AKAP6: variants seen among roughly 807,000 people sequenced by gnomAD.
The protein encoded by AKAP6 is A-kinase anchor protein 6.
Under a neutral mutation model 188.5 loss-of-function variants are expected in AKAP6, and 58 were observed. The observed-to-expected ratio is 0.31, with a 90% confidence interval of 0.25 to 0.38. The LOEUF (loss-of-function observed/expected upper bound fraction) is 0.38. Among genes scored for constraint, AKAP6 ranks in the 10% least tolerant of loss-of-function variants. AKAP6 has a pLI of 1.00. For synonymous variants in AKAP6, 989 were observed against 998.6 expected, an observed-to-expected ratio of 0.99 and a Z score of 0.18; for missense variants, 2,710 against 2,740.0, an observed-to-expected ratio of 0.99 and a Z score of 0.24.
chr14:32,440,439 C>G (rs992247510), intron 2 of AKAP6, among the ~76,000 whole-genome samples: 1 of 151,838 alleles, frequency 6.6e-6, no homozygotes, highest in Non-Finnish European at 1.5e-5. Context: ...TGTAACAAAC[C>G]TGCACATTGT....
At chr14:32,396,196 T>C (rs1351817679) in intron 1 of AKAP6, among the ~76,000 whole-genome samples, 1 of 152,178 alleles carries the variant, frequency 6.6e-6, no homozygotes, top group Non-Finnish European at 1.5e-5. Flanking sequence ...AGTTTGCTTG[T>C]GAAATATGAT....
chr14:32,351,118 AAAGGT>A, intron 1 of AKAP6, among the ~76,000 whole-genome samples: 1 of 152,336 alleles, frequency 6.6e-6, no homozygotes, highest in East Asian at 1.9e-4. Flanking sequence ...TTGCTTCCAC[AAAGGT>A]ATCAAACTGT....
intron 1 of AKAP6, among the ~76,000 whole-genome samples, chr14:32,382,944 C>A (rs905233316): frequency 6.6e-6 from 1 of 152,074 alleles, no homozygotes; most frequent in African/African-American, 2.4e-5. Flanking sequence ...ACCAGCCTTA[C>A]CCTCTGGACA....
In AKAP6 at chr14:32,537,783, G is replaced by A. The variant is rs527907617; in HGVS notation, c.576+1978G>A. ...GGTTTGTTGTTATTATTGTTCTGTG[G>A]AATACATTCATCATACACTTAATTG... On this transcript the variant is annotated intron_variant, in intron 3 of 13. Transcript: ENST00000280979. 3.3e-5 allele frequency among the ~76,000 whole-genome samples: 5 copies of A among 152,162 alleles called. No homozygotes were observed. The South Asian group carries it at 8.3e-4, about 25-fold the overall frequency.
At chr14:32,567,170 T>C (rs1884231237) in intron 4 of AKAP6, among the ~76,000 whole-genome samples, 1 of 152,148 alleles carries the variant, frequency 6.6e-6, no homozygotes, top group Non-Finnish European at 1.5e-5. Context: ...ATCCTCCTGC[T>C]TTGGCCTCCC....
At chr14:32,437,515 T>C (rs1396192977) in intron 2 of AKAP6, among the ~76,000 whole-genome samples, 1 of 152,142 alleles carries the variant, frequency 6.6e-6, no homozygotes, top group Non-Finnish European at 1.5e-5. Flanking sequence ...AAATGTCCTT[T>C]TTTCAAATAA....
At chr14:32,594,115 C>T (rs918869794) in intron 5 of AKAP6, among the ~76,000 whole-genome samples, 5 of 152,108 alleles carry the variant, frequency 3.3e-5, no homozygotes, top group Middle Eastern at 3.2e-3. Context: ...TCCAATTCTC[C>T]GTGTTTTAAT....
At chr14:32,765,946 A>G (rs1183120575) in intron 11 of AKAP6, among the ~76,000 whole-genome samples, 1 of 152,170 alleles carries the variant, frequency 6.6e-6, no homozygotes, top group Non-Finnish European at 1.5e-5. Context: ...TATAATTTAC[A>G]TACCAGAAAA....
chr14:32,694,728 C>G (rs920419058), intron 8 of AKAP6, among the ~76,000 whole-genome samples: 1 of 139,468 alleles, frequency 7.2e-6, no homozygotes, highest in Admixed American at 7.7e-5. Context: ...TATTCCCCCC[C>G]ACCCCATCAC....
intron 1 of AKAP6, among the ~76,000 whole-genome samples, chr14:32,416,061 C>T (rs1889647091): frequency 1.3e-5 from 2 of 152,230 alleles, no homozygotes; most frequent in South Asian, 4.1e-4. Context: ...GGCATATACC[C>T]AAAGGGGAAT....
chr14:32,649,820 T>G (rs960558257), intron 7 of AKAP6, among the ~76,000 whole-genome samples: 1 of 152,156 alleles, frequency 6.6e-6, no homozygotes, highest in African/African-American at 2.4e-5. Context: ...ATCACTAAGC[T>G]AGATTTGCAA....
intron 7 of AKAP6, among the ~76,000 whole-genome samples, chr14:32,676,225 T>C (rs1194319179): frequency 1.3e-5 from 2 of 152,204 alleles, no homozygotes; most frequent in South Asian, 2.1e-4. Flanking sequence ...TCTTTGACTA[T>C]TGCTCAATAT....
At chr14:32,740,217 A>G (rs1366607159) in intron 11 of AKAP6, among the ~76,000 whole-genome samples, 1 of 151,652 alleles carries the variant, frequency 6.6e-6, no homozygotes, top group African/African-American at 2.4e-5. Flanking sequence ...TTTTTTGATC[A>G]TATTATTAGA....
intron 1 of AKAP6, among the ~76,000 whole-genome samples, chr14:32,337,586 T>G (rs1261308170): frequency 6.6e-6 from 1 of 152,148 alleles, no homozygotes. Context: ...TTTATTATTA[T>G]TATACTTTAA....
intron 7 of AKAP6, among the ~76,000 whole-genome samples, chr14:32,612,995 T>C (rs1343688432): frequency 3.9e-5 from 6 of 152,218 alleles, no homozygotes. Context: ...TTCTGACATA[T>C]TATATTTGGT....
At chr14:32,639,877 A>T (rs1887681416) in intron 7 of AKAP6, among the ~76,000 whole-genome samples, 1 of 152,120 alleles carries the variant, frequency 6.6e-6, no homozygotes, top group South Asian at 2.1e-4. Context: ...AAGAGAGTGC[A>T]AGTAGGACTG....
intron 7 of AKAP6, among the ~76,000 whole-genome samples, chr14:32,645,920 A>T (rs1373779709): frequency 6.6e-6 from 1 of 152,162 alleles, no homozygotes; most frequent in Non-Finnish European, 1.5e-5. Context: ...CGGAGAAAGC[A>T]TTGATTATAT....
intron 2 of AKAP6, among the ~76,000 whole-genome samples, chr14:32,504,239 AT>A (rs1311147944): frequency 6.6e-6 from 1 of 151,948 alleles, no homozygotes; most frequent in East Asian, 1.9e-4. Flanking sequence ...TTATTTGTAT[AT>A]TTTATTACTA....
rs763925901 is a variant in AKAP6 at position 32,546,190 on chromosome 14, C to T, written c.1537C>T (p.Arg513Trp). Residue 513 changes from arginine (R) to tryptophan (W), a missense_variant, in exon 4 of 14, where the codon CGG becomes TGG. Physicochemically the swap from Arg to Trp is moderately radical, Grantham distance 101 (BLOSUM62 -3). Transcript: ENST00000280979. ...GGTGCCTCCATGCCGAACACCTAAA[C>T]GGGGGACTGGTTCAGGCAAACAAGC... ...EEVPPCRTPK[R>W]GTGSGKQAKN... 21 of 1,613,988 alleles carry T rather than the reference C, an allele frequency of 1.3e-5. No individual in the cohort carries two copies. Among genetic ancestry groups the T allele is most frequent in the South Asian group, 5.5e-5 (5 of 91,068 alleles).
Sources: allele counts gnomAD v4.1 joint callset (sites outside exome capture counted in the v4.1 genomes callset), GRCh38; gene constraint gnomAD v4.1.1; transcripts MANE v1.5; gene names NCBI Gene and HGNC (gene_info 2026-07-23, HGNC 2026-07-21).